The following CNTN3 variants were observed in gnomAD, a reference collection of about 807,000 sequenced individuals.
The protein encoded by CNTN3 is contactin 3, also known as contactin-3.
In CNTN3, 60 loss-of-function variants were observed where a neutral mutation model predicts 119.1. The observed-to-expected ratio is 0.50, with a 90% confidence interval of 0.41 to 0.62. The LOEUF is 0.62. Among genes scored for constraint, CNTN3 ranks in the 20% least tolerant of loss-of-function variants. The pLI is 0.00. For synonymous variants in CNTN3, 450 were observed against 438.7 expected, an observed-to-expected ratio of 1.03 and a Z score of -0.32; for missense variants, 1,101 against 1,242.4, an observed-to-expected ratio of 0.89 and a Z score of 1.71.
At chr3:74,533,537 T>C (rs1028578827) in intron 1 of CNTN3, among the ~76,000 whole-genome samples, 2 of 151,994 alleles carry the variant, frequency 1.3e-5, no homozygotes, top group African/African-American at 4.8e-5. Flanking sequence ...ACATGTTATG[T>C]CATTTACTAC....
chr3:74,394,597 TAAGAG>T (rs932139778), intron 5 of CNTN3, among the ~76,000 whole-genome samples: 3 of 152,242 alleles, frequency 2.0e-5, no homozygotes, highest in African/African-American at 7.2e-5. Flanking sequence ...AAGTAAACAC[TAAGAG>T]AAGTGTATTT....
chr3:74,401,094 T>C (rs1174351302), intron 5 of CNTN3, among the ~76,000 whole-genome samples: 1 of 152,170 alleles, frequency 6.6e-6, no homozygotes, highest in Non-Finnish European at 1.5e-5. Context: ...GGCCTTGTAA[T>C]GGAGAAATGC....
intron 13 of CNTN3, among the ~76,000 whole-genome samples, chr3:74,324,541 A>G (rs1703083323): frequency 6.6e-6 from 1 of 152,306 alleles, no homozygotes; most frequent in African/African-American, 2.4e-5. Context: ...TTGTGGTGAA[A>G]CAAGATGAAG....
chr3:74,607,605 A>G (rs1705014671), intron 1 of CNTN3, among the ~76,000 whole-genome samples: 1 of 152,174 alleles, frequency 6.6e-6, no homozygotes, highest in African/African-American at 2.4e-5. Context: ...CCCAAACCAA[A>G]GACACAGAGA....
chr3:74,285,807 A>G (rs1252263797), intron 19 of CNTN3, among the ~76,000 whole-genome samples: 1 of 97,114 alleles, frequency 1.0e-5, no homozygotes, highest in Non-Finnish European at 1.8e-5. Context: ...ATATATATAT[A>G]TATATATATA....
At position 74,352,287 on chromosome 3, in the gene CNTN3, G is replaced by T. The variant is rs181431732; in HGVS notation, c.1364+9603C>A. Among the ~76,000 whole-genome samples the T allele has an allele frequency of 3.3e-3, 507 of 152,212 alleles. 1 individual carries two copies. Among genetic ancestry groups the T allele is most frequent in the Non-Finnish European group, 5.5e-3 (374 of 68,018 alleles). On this transcript the variant is annotated intron_variant, in intron 11 of 22. Transcript: ENST00000263665. ...TTCCTTTGAGATTTCTGCCCTCATG[G>T]AGCTGCTCTCCTGCTTCCCAAGGCT...
chr3:74,369,605 C>T (rs535590116), intron 7 of CNTN3, among the ~76,000 whole-genome samples: 61 of 151,182 alleles, frequency 4.0e-4, no homozygotes, highest in African/African-American at 1.4e-3. Flanking sequence ...AAGCCTAATA[C>T]AGACCCACCA....
chr3:74,306,693 A>C (rs1702569454), intron 13 of CNTN3, among the ~76,000 whole-genome samples: 1 of 152,170 alleles, frequency 6.6e-6, no homozygotes, highest in Non-Finnish European at 1.5e-5. Flanking sequence ...GAAGTGAGAG[A>C]AGTCTATTCC....
intron 1 of CNTN3, among the ~76,000 whole-genome samples, chr3:74,574,665 C>A (rs1704386241): frequency 6.6e-6 from 1 of 152,132 alleles, no homozygotes; most frequent in Non-Finnish European, 1.5e-5. Context: ...TAACTTCAAT[C>A]ATTCCACTTG....
intron 13 of CNTN3, among the ~76,000 whole-genome samples, chr3:74,324,944 C>T (rs1703092853): frequency 6.6e-6 from 1 of 152,096 alleles, no homozygotes; most frequent in East Asian, 1.9e-4. Flanking sequence ...CTGCTGTGCT[C>T]CAAAGAATTC....
intron 11 of CNTN3, among the ~76,000 whole-genome samples, chr3:74,359,387 A>G (rs1281228089): frequency 6.6e-6 from 1 of 152,170 alleles, no homozygotes; most frequent in Non-Finnish European, 1.5e-5. Flanking sequence ...TCTCTATATT[A>G]TGGAAGAGGA....
intron 1 of CNTN3, among the ~76,000 whole-genome samples, chr3:74,594,190 G>A (rs1479057366): frequency 6.6e-6 from 1 of 151,212 alleles, no homozygotes; most frequent in Non-Finnish European, 1.5e-5. Flanking sequence ...AGAGTTGTTT[G>A]CTAATGGACA....
chr3:74,453,369 T>G (rs901233181), intron 4 of CNTN3, among the ~76,000 whole-genome samples: 4 of 152,054 alleles, frequency 2.6e-5, no homozygotes, highest in African/African-American at 7.3e-5. Context: ...GATATCCCCT[T>G]TATCATTTTT....
intron 11 of CNTN3, among the ~76,000 whole-genome samples, chr3:74,340,269 T>C (rs1703503236): frequency 6.6e-6 from 1 of 152,092 alleles, no homozygotes; most frequent in South Asian, 2.1e-4. Context: ...TGTTTACATA[T>C]ATGTAGCAAA....
intron 5 of CNTN3, among the ~76,000 whole-genome samples, chr3:74,418,540 C>T (rs2106884638): frequency 6.6e-6 from 1 of 151,740 alleles, no homozygotes; most frequent in East Asian, 2.0e-4. Context: ...GGGGTTTCAC[C>T]TTGCTGGCCA....
intron 11 of CNTN3, among the ~76,000 whole-genome samples, chr3:74,357,057 G>C (rs1559561470): frequency 1.3e-5 from 2 of 151,870 alleles, no homozygotes; most frequent in Non-Finnish European, 2.9e-5. Context: ...CTGAGTAGCT[G>C]GGACTACAGG....
chr3:74,591,847 T>C (rs1477003581), intron 1 of CNTN3, among the ~76,000 whole-genome samples: 1 of 151,842 alleles, frequency 6.6e-6, no homozygotes, highest in Non-Finnish European at 1.5e-5. Flanking sequence ...TAGTGGGCCT[T>C]GGTTGGCAAT....
At chr3:74,311,959 G>A (rs1349707490) in intron 13 of CNTN3, among the ~76,000 whole-genome samples, 1 of 142,346 alleles carries the variant, frequency 7.0e-6, no homozygotes, top group African/African-American at 2.7e-5. Context: ...TGGAAGTTCA[G>A]TGTGGACAAT....
chr3:74,546,693 C>T (rs1228881753), intron 1 of CNTN3, among the ~76,000 whole-genome samples: 3 of 152,144 alleles, frequency 2.0e-5, no homozygotes, highest in Non-Finnish European at 4.4e-5. Context: ...CCTGCACTGT[C>T]GGCGTCCCTA....
Sources: gnomAD v4.1 joint callset for allele counts (sites outside exome capture counted in the v4.1 genomes callset) on GRCh38, gnomAD v4.1.1 for gene constraint, MANE v1.5 for transcripts, NCBI Gene and HGNC (gene_info 2026-07-23, HGNC 2026-07-21) for gene names.